PID1: variants seen among roughly 807,000 people sequenced by gnomAD.
PID1 encodes the protein PTB-containing, cubilin and LRP1-interacting protein.
A neutral mutation model predicts 19.1 loss-of-function variants in PID1; 10 were observed. The observed-to-expected ratio is 0.52, with a 90% confidence interval of 0.32 to 0.89. The LOEUF (loss-of-function observed/expected upper bound fraction) is 0.89. Ranked by LOEUF, PID1 falls within the 40% of genes least tolerant of loss-of-function variation. The probability of loss-of-function intolerance (pLI) is 0.03; values close to 1 mark genes in which losing one functional copy is unlikely to be tolerated. For missense variants in PID1, 248 were observed against 285.3 expected (o/e 0.87, Z 0.94); for synonymous variants, 130 against 116.0 (o/e 1.12, Z -0.78).
chr2:229,072,692 T>G (rs2106203522), intron 2 of PID1, among the ~76,000 whole-genome samples: 1 of 152,366 alleles, frequency 6.6e-6, no homozygotes, highest in African/African-American at 2.4e-5. Flanking sequence ...ATTGCTGTAT[T>G]AAAAACATGT....
chr2:229,229,493 C>G (rs1423337326), intron 1 of PID1, among the ~76,000 whole-genome samples: 1 of 151,956 alleles, frequency 6.6e-6, no homozygotes, highest in Non-Finnish European at 1.5e-5. Flanking sequence ...AAAAATTAGC[C>G]AGGTATGGTG....
At chr2:229,027,772 T>A (rs1360143741) in intron 2 of PID1, among the ~76,000 whole-genome samples, 1 of 152,158 alleles carries the variant, frequency 6.6e-6, no homozygotes, top group African/African-American at 2.4e-5. Flanking sequence ...TGAGCACACG[T>A]AAAGCGGTAG....
At chr2:229,177,118 C>T (rs1435149734) in intron 1 of PID1, among the ~76,000 whole-genome samples, 2 of 152,158 alleles carry the variant, frequency 1.3e-5, no homozygotes, top group Non-Finnish European at 2.9e-5. Context: ...TCTCATGAGA[C>T]TTATTAACTA....
chr2:229,205,214 T>A (rs1691583542), intron 1 of PID1, among the ~76,000 whole-genome samples: 1 of 151,532 alleles, frequency 6.6e-6, no homozygotes, highest in South Asian at 2.1e-4. Flanking sequence ...GCACACATGC[T>A]ACACACACAC....
rs539140716 is a variant in PID1, at chr2:229,211,582, A to G, written c.31-55618T>C. Among the ~76,000 whole-genome samples, 64 of 152,334 alleles carry G rather than the reference A, an allele frequency of 4.2e-4. 3 individuals are homozygous for G. The South Asian group carries it at 0.013, about 31-fold the overall frequency. ...TGCTCTCCAGGATATTGAGAAATGT[A>G]TATACTCTGCCATTAGCCAAAAAAG... On this transcript the variant is annotated intron_variant, in intron 1 of 2. Transcript: ENST00000392055.
At chr2:229,117,036 G>A (rs1045138734) in intron 2 of PID1, among the ~76,000 whole-genome samples, 4 of 151,900 alleles carry the variant, frequency 2.6e-5, no homozygotes, top group South Asian at 2.1e-4. Context: ...TGTTGACCTC[G>A]TCCTCCCACA....
chr2:229,134,783 G>C (rs1312462624), intron 2 of PID1, among the ~76,000 whole-genome samples: 1 of 151,992 alleles, frequency 6.6e-6, no homozygotes. Flanking sequence ...ATGATTTAAT[G>C]ACTATATAGT....
At chr2:229,145,155 G>GTATATA (rs5839309) in intron 2 of PID1, among the ~76,000 whole-genome samples, 2,056 of 119,760 alleles carry the variant, frequency 0.017, 20 homozygotes, top group East Asian at 0.036. Flanking sequence ...ATATGTATGT[G>GTATATA]TATATATATA....
At chr2:229,182,966 T>C (rs1329286814) in intron 1 of PID1, among the ~76,000 whole-genome samples, 1 of 152,234 alleles carries the variant, frequency 6.6e-6, no homozygotes, top group African/African-American at 2.4e-5. Flanking sequence ...GCTGAGGGCT[T>C]TGCTTCCCGC....
chr2:229,079,709 T>C (rs775414724), intron 2 of PID1, among the ~76,000 whole-genome samples: 9 of 152,260 alleles, frequency 5.9e-5, no homozygotes, highest in Non-Finnish European at 8.8e-5. Context: ...CATGGAAAGA[T>C]GTAAGATGAG....
chr2:229,259,382 T>C (rs1690398720), intron 1 of PID1, among the ~76,000 whole-genome samples: 1 of 152,228 alleles, frequency 6.6e-6, no homozygotes, highest in Non-Finnish European at 1.5e-5. Flanking sequence ...GTCCAATTTT[T>C]TCTTTGTTGA....
chr2:229,059,944 C>A (rs1472536780), intron 2 of PID1, among the ~76,000 whole-genome samples: 1 of 152,032 alleles, frequency 6.6e-6, no homozygotes, highest in Non-Finnish European at 1.5e-5. Context: ...GAATCAGTTT[C>A]TCAGGTCCTA....
chr2:229,262,564 G>A (rs769285494), intron 1 of PID1: 153 of 1,416,028 alleles, frequency 1.1e-4, no homozygotes, highest in Non-Finnish European at 1.3e-4. Flanking sequence ...CACAGAAGTA[G>A]AGTGACCAAA....
chr2:229,085,267 C>T (rs960119344), intron 2 of PID1, among the ~76,000 whole-genome samples: 2 of 150,886 alleles, frequency 1.3e-5, no homozygotes, highest in African/African-American at 4.9e-5. Flanking sequence ...TGTCTTCATG[C>T]AAATGAGGGA....
At chr2:229,093,040 C>A (rs1391591526) in intron 2 of PID1, among the ~76,000 whole-genome samples, 1 of 152,166 alleles carries the variant, frequency 6.6e-6, no homozygotes, top group Admixed American at 6.6e-5. Context: ...TGTCAGTCTC[C>A]TTCACAGTTT....
intron 1 of PID1, among the ~76,000 whole-genome samples, chr2:229,178,963 C>G (rs906506760): frequency 6.6e-6 from 1 of 152,130 alleles, no homozygotes. Flanking sequence ...AAAGCCAGAT[C>G]CTCTCTGGAA....
intron 1 of PID1, among the ~76,000 whole-genome samples, chr2:229,193,698 G>C (rs1293646442): frequency 6.6e-6 from 1 of 151,474 alleles, no homozygotes; most frequent in Non-Finnish European, 1.5e-5. Context: ...GTATGTGTGT[G>C]TGAAGAACTT....
intron 1 of PID1, among the ~76,000 whole-genome samples, chr2:229,210,234 C>T (rs1482479270): frequency 1.3e-5 from 2 of 151,784 alleles, no homozygotes; most frequent in East Asian, 1.9e-4. Flanking sequence ...AAGGCAAGGC[C>T]GGGCATGGCG....
intron 2 of PID1, among the ~76,000 whole-genome samples, chr2:229,154,710 T>C (rs1045505133): frequency 2.0e-5 from 3 of 152,084 alleles, no homozygotes; most frequent in Admixed American, 2.0e-4. Flanking sequence ...TCGAAAGCAA[T>C]AAGGAAAGCA....
Sources: gnomAD v4.1 joint callset for allele counts (sites outside exome capture counted in the v4.1 genomes callset) on GRCh38, gnomAD v4.1.1 for gene constraint, MANE v1.5 for transcripts, NCBI Gene and HGNC (gene_info 2026-07-23, HGNC 2026-07-21) for gene names.